Variants in PPIG observed in about 807,000 individuals in gnomAD.
PPIG encodes the protein peptidylprolyl isomerase G.
Under a neutral mutation model 87.9 loss-of-function variants are expected in PPIG, and 26 were observed. That is an observed-to-expected ratio of 0.30 (90% CI 0.22 to 0.41). The LOEUF is 0.41. Ranked by LOEUF, PPIG falls within the 10% of genes least tolerant of loss-of-function variation. PPIG has a pLI of 1.00. For synonymous variants in PPIG, 308 were observed against 276.5 expected (o/e 1.11, Z -1.13); for missense variants, 722 against 879.4 (o/e 0.82, Z 2.26).
chr2:169,603,571 TTTC>T (rs759155773), intron 1 of PPIG, 68 bp from the exon 2 acceptor site: 3 of 148,644 alleles, frequency 2.0e-5, no homozygotes, highest in Admixed American at 6.8e-5. Context: ...TACTATTCTT[TTTC>T]TTCTTACATG....
intron 1 of PPIG, among the ~76,000 whole-genome samples, chr2:169,593,650 C>CCT: frequency 9.4e-6 from 1 of 106,188 alleles, no homozygotes; most frequent in South Asian, 3.1e-4. Context: ...TGCTTTATAT[C>CCT]TTTTTTTTTT....
At chr2:169,612,976 T>G (rs1685529717) in intron 7 of PPIG, among the ~76,000 whole-genome samples, 7 of 152,200 alleles carry the variant, frequency 4.6e-5, no homozygotes, top group Admixed American at 3.3e-4. Context: ...AGTTATTTAT[T>G]TTTCCACATC....
chr2:169,601,186 C>T (rs558528943), intron 1 of PPIG, among the ~76,000 whole-genome samples: 2 of 152,108 alleles, frequency 1.3e-5, no homozygotes, highest in East Asian at 1.9e-4. Context: ...CATTTTATAC[C>T]GTAATTTGTT....
Position 169,599,627 on chromosome 2 carries a change from G to GT in PPIG, c.-69-4006dup, listed in dbSNP as rs558016330. Among the ~76,000 whole-genome samples, 115 of 151,422 alleles carry GT rather than the reference G, an allele frequency of 7.6e-4. No homozygotes were observed. The Middle Eastern group carries it at 0.017, about 22-fold the overall frequency. On this transcript the variant is annotated intron_variant, in intron 1 of 13. Coordinates refer to ENST00000260970, the MANE Select transcript of PPIG (RefSeq NM_004792.3). The stretch of plus-strand genomic sequence containing the variant: ...TATCAAAACTGCTGGTGCCTTTTAT[G>GT]TTTTTTTTTGTTATTTCACTTTTTG...
intron 9 of PPIG, among the ~76,000 whole-genome samples, chr2:169,616,051 A>C (rs1473752674): frequency 6.6e-6 from 1 of 152,058 alleles, no homozygotes; most frequent in Non-Finnish European, 1.5e-5. Context: ...CCGTGTGTAC[A>C]TGTGTTCTCA....
chr2:169,626,480 G>A (rs967017850), intron 9 of PPIG, among the ~76,000 whole-genome samples: 29 of 151,692 alleles, frequency 1.9e-4, no homozygotes, highest in African/African-American at 6.1e-4. Flanking sequence ...TGCAACCTCC[G>A]CCTCCCAGTT....
chr2:169,606,991 G>A (rs1390637114), intron 5 of PPIG, 113 bp from the exon 6 acceptor site: 4 of 717,870 alleles, frequency 5.6e-6, no homozygotes, highest in African/African-American at 1.8e-5. Context: ...TGCAATCTTC[G>A]AATATTGTTA....
At position 169,639,312 on chromosome 2, in the gene PPIG, T is replaced by C. The variant is rs1417870671; in HGVS notation, c.*1789T>C. On this transcript the variant is annotated 3_prime_UTR_variant, in exon 14 of 14. Coordinates refer to ENST00000260970, the MANE Select transcript of PPIG (RefSeq NM_004792.3). The stretch of plus-strand genomic sequence containing the variant: ...AACGTTATGTAGTTTAAGCAAGTTA[T>C]TGTTTGTCTTAATTTCAGTTAACTG... 6.6e-6 allele frequency: 1 copy of C among 152,100 alleles called. No homozygotes were observed. Among genetic ancestry groups the C allele is most frequent in the Non-Finnish European group, 1.5e-5 (1 of 67,952 alleles). The allele number at this position is 152,100 out of a possible 1,614,324, so 9.4% of individuals were successfully genotyped here. A position where few individuals can be genotyped will look rare whatever the true frequency, so the allele number is the denominator to read the frequency against.
intron 1 of PPIG, among the ~76,000 whole-genome samples, chr2:169,592,280 A>G (rs1280967335): frequency 6.2e-5 from 9 of 144,668 alleles, no homozygotes; most frequent in Non-Finnish European, 1.4e-4. Context: ...GTCTTACTGC[A>G]TCTGGTTTCA....
intron 4 of PPIG, 80 bp downstream of exon 4, chr2:169,604,341 T>G (rs1685262967): frequency 3.4e-6 from 4 of 1,177,448 alleles, no homozygotes; most frequent in South Asian, 2.7e-5. Context: ...TTTTTTTTTT[T>G]TTTTTTTTTT....
At chr2:169,592,308 T>TTTC (rs1553543302) in intron 1 of PPIG, among the ~76,000 whole-genome samples, 1 of 135,120 alleles carries the variant, frequency 7.4e-6, no homozygotes, top group Non-Finnish European at 1.6e-5. Context: ...TTTTTCTTTT[T>TTTC]TTTTTTTTTT....
chr2:169,604,641 C>T (rs1685270900), intron 4 of PPIG, among the ~76,000 whole-genome samples: 2 of 151,460 alleles, frequency 1.3e-5, no homozygotes, highest in Admixed American at 6.6e-5. Flanking sequence ...TCTGGGAGGC[C>T]GAGGGGGGTG....
chr2:169,629,885 T>C (rs1283092034), intron 9 of PPIG, among the ~76,000 whole-genome samples: 1 of 152,210 alleles, frequency 6.6e-6, no homozygotes. Flanking sequence ...AAATGCTTTA[T>C]ACTTTATGAG....
At chr2:169,598,003 C>A (rs549296709) in intron 1 of PPIG, among the ~76,000 whole-genome samples, 1 of 126,410 alleles carries the variant, frequency 7.9e-6, no homozygotes, top group Non-Finnish European at 1.7e-5. Context: ...GCCTGGGCAA[C>A]CTTTTTTTTT....
chr2:169,608,635 A>G (rs1167309965), intron 6 of PPIG, 36 bp from the exon 7 acceptor site: 1 of 1,438,626 alleles, frequency 7.0e-7, no homozygotes, highest in South Asian at 1.2e-5. Flanking sequence ...TGGAGGTTAT[A>G]TCTATAATGT....
chr2:169,590,153 A>G (rs1684823097), intron 1 of PPIG, among the ~76,000 whole-genome samples: 1 of 152,016 alleles, frequency 6.6e-6, no homozygotes, highest in Non-Finnish European at 1.5e-5. Flanking sequence ...AAAAGAAAAG[A>G]AAAAGGAAGC....
chr2:169,601,574 T>A (rs1685185796), intron 1 of PPIG, among the ~76,000 whole-genome samples: 2 of 152,178 alleles, frequency 1.3e-5, no homozygotes, highest in African/African-American at 2.4e-5. Flanking sequence ...AACAAAGGGA[T>A]GAACCATGTG....
At position 169,602,821 on chromosome 2, in the gene PPIG, G is replaced by A. The variant is rs190359937; in HGVS notation, c.-69-821G>A. ...CATTCCACTCTGGCTATTTTGTGCA[G>A]AAGAGGCAGTACAGAATTAAGAGTA... is the stretch of plus-strand genomic sequence containing the variant. On this transcript the variant is annotated intron_variant, in intron 1 of 13. Coordinates refer to ENST00000260970, the MANE Select transcript of PPIG (RefSeq NM_004792.3). 3.9e-5 allele frequency among the ~76,000 whole-genome samples: 6 copies of A among 152,302 alleles called. No individual in the cohort carries two copies. In the East Asian group the frequency reaches 5.8e-4, roughly 15 times the overall value.
chr2:169,590,660 A>G (rs760150119), intron 1 of PPIG, among the ~76,000 whole-genome samples: 1 of 151,960 alleles, frequency 6.6e-6, no homozygotes, highest in Non-Finnish European at 1.5e-5. Context: ...CAAACAAACA[A>G]ACAGACCTTA....
Sources: gnomAD v4.1 joint callset for allele counts (sites outside exome capture counted in the v4.1 genomes callset) on GRCh38, gnomAD v4.1.1 for gene constraint, MANE v1.5 for transcripts, NCBI Gene and HGNC (gene_info 2026-07-23, HGNC 2026-07-21) for gene names.